The following LINGO2 variants were observed in gnomAD, a reference collection of about 807,000 sequenced individuals.
The protein encoded by LINGO2 is leucine-rich repeat and immunoglobulin-like domain-containing nogo receptor-interacting protein 2.
A neutral mutation model predicts 30.6 loss-of-function variants in LINGO2; 14 were observed. That is an observed-to-expected ratio of 0.46 (90% CI 0.30 to 0.72). LINGO2 has a LOEUF of 0.72. Among genes scored for constraint, LINGO2 ranks in the 30% least tolerant of loss-of-function variants. The pLI is 0.07. For missense variants in LINGO2, 729 were observed against 751.7 expected (o/e 0.97, Z 0.35); for synonymous variants, 317 against 288.5 (o/e 1.10, Z -1.00).
the LINGO2 span, among the ~76,000 whole-genome samples, chr9:28,939,331 G>C: frequency 6.6e-6 from 1 of 152,114 alleles, no homozygotes; most frequent in Non-Finnish European, 1.5e-5. Context: ...GGCTTCCCCA[G>C]AACTCTGTCT....
chr9:28,240,535 A>C (rs939453152), intron 4 of LINGO2, among the ~76,000 whole-genome samples: 1 of 152,196 alleles, frequency 6.6e-6, no homozygotes, highest in Non-Finnish European at 1.5e-5. Context: ...AAGAACATAC[A>C]TTAGTGAAAA....
the LINGO2 span, among the ~76,000 whole-genome samples, chr9:28,811,173 G>A: frequency 3.9e-4 from 60 of 152,098 alleles, 2 homozygotes; most frequent in African/African-American, 1.4e-3. Context: ...ATAATATAGA[G>A]TTTTTCTTCG....
chr9:28,836,102 G>T, the LINGO2 span, among the ~76,000 whole-genome samples: 3 of 152,202 alleles, frequency 2.0e-5, no homozygotes, highest in Non-Finnish European at 4.4e-5. Context: ...GAAAACTGTA[G>T]CTCACTGAGC....
chr9:28,447,527 A>G (rs1168896893), intron 2 of LINGO2, among the ~76,000 whole-genome samples: 1 of 152,190 alleles, frequency 6.6e-6, no homozygotes, highest in Non-Finnish European at 1.5e-5. Context: ...TCATTATAGC[A>G]GCCCAGGTGG....
rs548813201 is a variant in LINGO2 at position 28,478,343 on chromosome 9, TCA to T, written c.-364-2320_-364-2319del. Among the ~76,000 whole-genome samples the T allele has an allele frequency of 4.3e-3, 662 of 152,224 alleles. 4 individuals carry two copies. Among genetic ancestry groups the T allele is most frequent in the African/African-American group, 0.015 (629 of 41,552 alleles). ...TAATCTTTGTTTCTGTTTTTTTTTC[TCA>T]GTTTGATTTAAAGCATTGCTTCTCA... On this transcript the variant is annotated intron_variant, in intron 1 of 5. Coordinates refer to ENST00000379992, the Ensembl canonical transcript of LINGO2.
chr9:28,367,802 A>G (rs139749432), intron 3 of LINGO2, among the ~76,000 whole-genome samples: 173 of 152,248 alleles, frequency 1.1e-3, no homozygotes, highest in African/African-American at 3.8e-3. Context: ...ATTATTATTT[A>G]TTAATCACTC....
the LINGO2 span, among the ~76,000 whole-genome samples, chr9:29,053,547 A>C: frequency 1.3e-5 from 2 of 152,192 alleles, no homozygotes; most frequent in Non-Finnish European, 2.9e-5. Flanking sequence ...TGTACCCTAA[A>C]ACTTAAAGTA....
chr9:28,077,196 C>T (rs1401959370), intron 4 of LINGO2, among the ~76,000 whole-genome samples: 3 of 151,934 alleles, frequency 2.0e-5, no homozygotes, highest in African/African-American at 7.3e-5. Context: ...AGTCAATGGA[C>T]CACCAAGATG....
chr9:27,950,330 G>A, exon 6 of LINGO2: 1 of 1,614,148 alleles, frequency 6.2e-7, no homozygotes, highest in Non-Finnish European at 8.5e-7. Flanking sequence ...TTAGACGATT[G>A]CCTTTTAGGC....
At chr9:28,858,536 C>T in the LINGO2 span, among the ~76,000 whole-genome samples, 3 of 152,026 alleles carry the variant, frequency 2.0e-5, no homozygotes, top group Non-Finnish European at 4.4e-5. Flanking sequence ...CACCAAAGGT[C>T]TCCATTTCTG....
intron 2 of LINGO2, among the ~76,000 whole-genome samples, chr9:28,452,657 T>C (rs1223251294): frequency 3.3e-5 from 5 of 151,852 alleles, no homozygotes; most frequent in Non-Finnish European, 7.4e-5. Flanking sequence ...GGAAAGTGAT[T>C]GCATACAAGA....
At chr9:28,081,054 A>G (rs1350359176) in intron 4 of LINGO2, 1 of 152,186 alleles carries the variant, frequency 6.6e-6, no homozygotes, top group Non-Finnish European at 1.5e-5. Flanking sequence ...CTAATTGAAA[A>G]CAACAACACA....
At chr9:29,151,661 G>C in the LINGO2 span, among the ~76,000 whole-genome samples, 1 of 151,958 alleles carries the variant, frequency 6.6e-6, no homozygotes, top group Non-Finnish European at 1.5e-5. Flanking sequence ...AAAAAGAAGG[G>C]CATTACCTAA....
the LINGO2 span, among the ~76,000 whole-genome samples, chr9:29,038,869 C>T: frequency 6.6e-6 from 1 of 152,058 alleles, no homozygotes; most frequent in Non-Finnish European, 1.5e-5. Flanking sequence ...GACGCCTTAA[C>T]CGAGCAAATG....
At chr9:29,210,726 C>T in the LINGO2 span, among the ~76,000 whole-genome samples, 2 of 152,140 alleles carry the variant, frequency 1.3e-5, no homozygotes, top group Non-Finnish European at 2.9e-5. Context: ...CATATATGTA[C>T]CTTAATCAAA....
At chr9:29,016,734 C>T in the LINGO2 span, among the ~76,000 whole-genome samples, 1 of 152,078 alleles carries the variant, frequency 6.6e-6, no homozygotes, top group Non-Finnish European at 1.5e-5. Context: ...TTCATAAAAC[C>T]AGTTTCTCAA....
intron 4 of LINGO2, among the ~76,000 whole-genome samples, chr9:28,078,343 G>T (rs541049368): frequency 6.7e-6 from 1 of 149,098 alleles, no homozygotes; most frequent in East Asian, 1.9e-4. Context: ...GAGGAATATG[G>T]AGAGCAGAAT....
intron 4 of LINGO2, among the ~76,000 whole-genome samples, chr9:28,140,132 TA>T (rs1402259245): frequency 6.6e-6 from 1 of 152,194 alleles, no homozygotes; most frequent in African/African-American, 2.4e-5. Context: ...TAGTTGGACT[TA>T]AACACTAACA....
chr9:28,983,636 A>T, the LINGO2 span, among the ~76,000 whole-genome samples: 2 of 151,942 alleles, frequency 1.3e-5, no homozygotes, highest in Admixed American at 6.6e-5. Flanking sequence ...AAATTCTATT[A>T]AATAAGTATT....
Sources: allele counts gnomAD v4.1 joint callset (sites outside exome capture counted in the v4.1 genomes callset), GRCh38; gene constraint gnomAD v4.1.1; transcripts MANE v1.5; gene names NCBI Gene and HGNC (gene_info 2026-07-23, HGNC 2026-07-21).